RAD18: variants seen among roughly 807,000 people sequenced by gnomAD.
RAD18 encodes the protein E3 ubiquitin-protein ligase RAD18.
A neutral mutation model predicts 60.4 loss-of-function variants in RAD18; 47 were observed. The ratio of observed to expected loss-of-function variants is 0.78; its 90% CI spans 0.62 to 0.99. The LOEUF (loss-of-function observed/expected upper bound fraction) is 0.99, where lower values mean the gene tolerates loss of function less well. RAD18 is among the 50% of genes least tolerant of loss of function. The probability of loss-of-function intolerance (pLI) is 0.00; values close to 1 mark genes in which losing one functional copy is unlikely to be tolerated. For synonymous variants in RAD18, 225 were observed against 195.5 expected, an observed-to-expected ratio of 1.15 and a Z score of -1.26; for missense variants, 640 against 593.3, an observed-to-expected ratio of 1.08 and a Z score of -0.82.
At chr3:8,908,157 C>T (rs1940045067) in intron 9 of RAD18, among the ~76,000 whole-genome samples, 1 of 152,188 alleles carries the variant, frequency 6.6e-6, no homozygotes. Context: ...TGTTTCCCTT[C>T]ATGGAGGTCT....
At chr3:8,961,995 T>C (rs766882986) in intron 1 of RAD18, among the ~76,000 whole-genome samples, 1 of 152,208 alleles carries the variant, frequency 6.6e-6, no homozygotes, top group South Asian at 2.1e-4. Context: ...GTGCTAATAA[T>C]AATAAAATAT....
At chr3:8,913,939 A>C (rs1161894173) in intron 7 of RAD18, among the ~76,000 whole-genome samples, 1 of 143,614 alleles carries the variant, frequency 7.0e-6, no homozygotes, top group East Asian at 2.0e-4. Context: ...ACACATGCAC[A>C]TGCTGTTCAA....
At chr3:8,883,988 G>C (rs932016997) in intron 12 of RAD18, among the ~76,000 whole-genome samples, 3 of 152,186 alleles carry the variant, frequency 2.0e-5, no homozygotes, top group Non-Finnish European at 4.4e-5. Context: ...CCATTAGACA[G>C]GCTAAGTAAA....
chr3:8,908,363 G>T (rs1575540669), intron 9 of RAD18, among the ~76,000 whole-genome samples: 1 of 151,874 alleles, frequency 6.6e-6, no homozygotes. Context: ...CCACCCCTGA[G>T]GTCATTAGGA....
chr3:8,885,163 A>G (rs766042999), intron 12 of RAD18, among the ~76,000 whole-genome samples: 4 of 152,174 alleles, frequency 2.6e-5, no homozygotes, highest in Non-Finnish European at 5.9e-5. Flanking sequence ...CATAGAAAGA[A>G]TCTCTTGGTG....
chr3:8,912,125 C>A (rs769048598), intron 9 of RAD18, among the ~76,000 whole-genome samples, 187 bp downstream of exon 9: 16 of 151,904 alleles, frequency 1.1e-4, no homozygotes, highest in Non-Finnish European at 1.9e-4. Flanking sequence ...TCATAAAAAT[C>A]AAAAAGCAGG....
rs755879359 is a variant in RAD18 at position 8,936,046 on chromosome 3, G to C, written c.714C>G (p.His238Gln). 4 of 1,577,710 alleles carry C rather than the reference G, an allele frequency of 2.5e-6. No individual in the cohort carries two copies. Among genetic ancestry groups the C allele is most frequent in the Non-Finnish European group, 2.6e-6 (3 of 1,163,482 alleles). Residue 238 changes from histidine to glutamine, a missense_variant, in exon 7 of 13, where the codon CAC becomes CAG. Transcript: ENST00000264926. ...CAGTTTTGGGCAGCGGCTTCCTTTT[G>C]TGAACAGAACTGAAAAGGGGGGAAG... is the stretch of plus-strand genomic sequence containing the variant. Reference protein sequence around the residue: ...EKKESLRSSVHKRKPLPKTVY... With the variant: ...EKKESLRSSVQKRKPLPKTVY...
At chr3:8,888,266 C>T (rs1021703174) in intron 12 of RAD18, among the ~76,000 whole-genome samples, 7 of 152,152 alleles carry the variant, frequency 4.6e-5, no homozygotes, top group Admixed American at 3.3e-4. Flanking sequence ...TCCTGTGTCT[C>T]GTGGCCACAC....
At chr3:8,898,327 T>C (rs1939831239) in intron 11 of RAD18, among the ~76,000 whole-genome samples, 1 of 152,088 alleles carries the variant, frequency 6.6e-6, no homozygotes, top group Non-Finnish European at 1.5e-5. Context: ...GTAACATTTA[T>C]GACATAACAT....
At chr3:8,925,905 C>T (rs1189967617) in intron 7 of RAD18, among the ~76,000 whole-genome samples, 5 of 152,256 alleles carry the variant, frequency 3.3e-5, no homozygotes, top group African/African-American at 1.2e-4. Context: ...ATTCATGGGA[C>T]GTACCTCAAA....
chr3:8,959,939 A>G (rs931433263), intron 1 of RAD18, among the ~76,000 whole-genome samples: 5 of 151,972 alleles, frequency 3.3e-5, no homozygotes, highest in East Asian at 1.9e-4. Context: ...GATTGCCAAG[A>G]TAAGTGAAAA....
intron 7 of RAD18, among the ~76,000 whole-genome samples, chr3:8,919,639 T>C (rs1940278460): frequency 6.6e-6 from 1 of 152,254 alleles, no homozygotes; most frequent in Non-Finnish European, 1.5e-5. Context: ...TATATGCATA[T>C]ATTTCCCAGC....
chr3:8,962,847 A>G (rs1167573696), intron 1 of RAD18, among the ~76,000 whole-genome samples: 2 of 152,232 alleles, frequency 1.3e-5, no homozygotes, highest in African/African-American at 2.4e-5. Flanking sequence ...TTGGGGCAGT[A>G]TGTCAGAACA....
chr3:8,892,952 A>C (rs1939718623), intron 11 of RAD18, among the ~76,000 whole-genome samples: 1 of 152,234 alleles, frequency 6.6e-6, no homozygotes, highest in Admixed American at 6.5e-5. Context: ...ATAATGATAC[A>C]TGTATTCCTT....
chr3:8,911,578 A>T (rs1940106150), intron 9 of RAD18, among the ~76,000 whole-genome samples: 1 of 98,896 alleles, frequency 1.0e-5, no homozygotes, highest in South Asian at 4.0e-4. Flanking sequence ...AGGCACAGGC[A>T]ATCACACCTA....
intron 2 of RAD18, among the ~76,000 whole-genome samples, chr3:8,957,056 G>A (rs1473992281): frequency 6.6e-6 from 1 of 152,036 alleles, no homozygotes; most frequent in Non-Finnish European, 1.5e-5. Flanking sequence ...AATTTCTAAG[G>A]AATCAACAAA....
At chr3:8,929,436 A>G (rs1214669835) in intron 7 of RAD18, among the ~76,000 whole-genome samples, 1 of 152,212 alleles carries the variant, frequency 6.6e-6, no homozygotes, top group Non-Finnish European at 1.5e-5. Context: ...AAGGTTAACA[A>G]GAAAATGTTA....
At chr3:8,887,823 A>C (rs1169975698) in intron 12 of RAD18, among the ~76,000 whole-genome samples, 1 of 152,062 alleles carries the variant, frequency 6.6e-6, no homozygotes, top group Non-Finnish European at 1.5e-5. Flanking sequence ...CTAGCTGGGG[A>C]GAGATTGCCC....
At chr3:8,882,420 A>G (rs563011948) in intron 12 of RAD18, among the ~76,000 whole-genome samples, 2 of 152,288 alleles carry the variant, frequency 1.3e-5, no homozygotes, top group African/African-American at 2.4e-5. Flanking sequence ...TTACACTGAC[A>G]CCACGCAGAG....
Sources: allele counts gnomAD v4.1 joint callset (sites outside exome capture counted in the v4.1 genomes callset), GRCh38; gene constraint gnomAD v4.1.1; transcripts MANE v1.5; gene names NCBI Gene and HGNC (gene_info 2026-07-23, HGNC 2026-07-21).